Variants in USP12 observed in about 807,000 individuals in gnomAD.
The protein encoded by USP12 is ubiquitin specific peptidase 12, also known as ubiquitin carboxyl-terminal hydrolase 12.
A neutral mutation model predicts 45.5 loss-of-function variants in USP12; 19 were observed. The observed-to-expected ratio is 0.42, with a 90% CI of 0.29 to 0.61. USP12 has a LOEUF of 0.61. USP12 is among the 20% of genes least tolerant of loss of function. The pLI, the probability that USP12 is intolerant of heterozygous loss-of-function variation, is 0.22. For synonymous variants in USP12, 149 were observed against 148.8 expected (o/e 1.00, Z -0.01); for missense variants, 242 against 447.7 (o/e 0.54, Z 4.15).
chr13:27,122,834 CTG>C (rs1225307819), intron 1 of USP12, among the ~76,000 whole-genome samples: 1 of 152,074 alleles, frequency 6.6e-6, no homozygotes, highest in Non-Finnish European at 1.5e-5. Flanking sequence ...TGGCTCATGT[CTG>C]TAATCCCAGC....
intron 4 of USP12, 65 bp from the exon 5 acceptor site, chr13:27,090,223 A>C (rs939007028): frequency 1.6e-6 from 2 of 1,287,568 alleles, no homozygotes; most frequent in Admixed American, 3.7e-5. Context: ...CCCAATTAAC[A>C]GAATTAAATG....
At chr13:27,108,848 C>A (rs1192109855) in intron 2 of USP12, among the ~76,000 whole-genome samples, 1 of 152,158 alleles carries the variant, frequency 6.6e-6, no homozygotes, top group Non-Finnish European at 1.5e-5. Context: ...ATCCCAGCTA[C>A]TCAGGAAGCT....
chr13:27,078,704 T>C (rs1376641724), intron 6 of USP12, among the ~76,000 whole-genome samples: 2 of 151,494 alleles, frequency 1.3e-5, no homozygotes, highest in Non-Finnish European at 2.9e-5. Context: ...TAAGAGAACA[T>C]AACAATCTTA....
intron 4 of USP12, among the ~76,000 whole-genome samples, 188 bp from the exon 5 acceptor site, chr13:27,090,346 T>C (rs192368262): frequency 1.3e-5 from 2 of 152,322 alleles, no homozygotes; most frequent in African/African-American, 4.8e-5. Context: ...ACCAGATGTA[T>C]AAATAAAACA....
intron 1 of USP12, among the ~76,000 whole-genome samples, chr13:27,119,303 C>G (rs147708842): frequency 6.6e-6 from 1 of 152,142 alleles, no homozygotes; most frequent in African/African-American, 2.4e-5. Flanking sequence ...TTCCATGAAG[C>G]GGCCCCCAGA....
chr13:27,132,011 T>G (rs1876525964), intron 1 of USP12, among the ~76,000 whole-genome samples: 1 of 152,208 alleles, frequency 6.6e-6, no homozygotes, highest in African/African-American at 2.4e-5. Context: ...GTTCTAGTGC[T>G]TCTACTGGTT....
chr13:27,114,723 A>G (rs1029779926), intron 2 of USP12, among the ~76,000 whole-genome samples: 1 of 151,770 alleles, frequency 6.6e-6, no homozygotes. Context: ...ACTCTGTTTA[A>G]TTTTCTGCTA....
intron 6 of USP12, among the ~76,000 whole-genome samples, chr13:27,083,898 CTT>C (rs1305585581): frequency 6.6e-6 from 1 of 151,394 alleles, no homozygotes; most frequent in East Asian, 2.0e-4. Context: ...AAGTCTCACT[CTT>C]GTCACCCAGG....
chr13:27,159,900 TGAAAAG>T (rs1397334861), intron 1 of USP12, among the ~76,000 whole-genome samples: 1 of 152,014 alleles, frequency 6.6e-6, no homozygotes, highest in African/African-American at 2.4e-5. Flanking sequence ...GTTTCAGAGA[TGAAAAG>T]GAAAGAAAGT....
chr13:27,167,199 T>C (rs1482416825), intron 1 of USP12, among the ~76,000 whole-genome samples: 1 of 151,082 alleles, frequency 6.6e-6, no homozygotes, highest in Non-Finnish European at 1.5e-5. Flanking sequence ...GAGGTGGAGG[T>C]TGCGGTGAGC....
intron 2 of USP12, among the ~76,000 whole-genome samples, chr13:27,108,651 T>C (rs1282544095): frequency 6.6e-6 from 1 of 152,082 alleles, no homozygotes; most frequent in Non-Finnish European, 1.5e-5. Flanking sequence ...ATACAAAAAT[T>C]CATAAATTTA....
chr13:27,130,070 C>G (rs1249597942), intron 1 of USP12, among the ~76,000 whole-genome samples: 1 of 152,232 alleles, frequency 6.6e-6, no homozygotes, highest in East Asian at 1.9e-4. Context: ...AGCATGCAAA[C>G]CAGCTACTAT....
intron 1 of USP12, among the ~76,000 whole-genome samples, chr13:27,132,464 C>T (rs937209410): frequency 6.6e-6 from 1 of 152,010 alleles, no homozygotes; most frequent in Non-Finnish European, 1.5e-5. Flanking sequence ...AGCAAAGGAA[C>T]AGAAATATAG....
intron 1 of USP12, among the ~76,000 whole-genome samples, chr13:27,149,533 G>A (rs1351327964): frequency 2.6e-5 from 4 of 152,144 alleles, no homozygotes; most frequent in Admixed American, 1.3e-4. Context: ...GCAAGGTTGC[G>A]GGTTCTAAAA....
rs565236420 is a variant in USP12, at chr13:27,165,690, A to G, written c.48+5902T>C. Among the ~76,000 whole-genome samples the G allele has an allele frequency of 2.0e-5, 3 of 152,318 alleles. No homozygotes were observed. In the South Asian group the frequency reaches 6.2e-4, roughly 32 times the overall value. On this transcript the variant is annotated intron_variant, in intron 1 of 8. Coordinates refer to ENST00000282344, the MANE Select transcript of USP12 (RefSeq NM_182488.4). ...ATTCAAATCCCTTAATGGTACTGGC[A>G]AAGAAAAAAGTGTCAAAAATTAGCA...
At chr13:27,080,403 C>T (rs1256773056) in intron 6 of USP12, among the ~76,000 whole-genome samples, 2 of 152,170 alleles carry the variant, frequency 1.3e-5, no homozygotes, top group African/African-American at 2.4e-5. Flanking sequence ...CTTCATCTCA[C>T]AAACAGGAAG....
At chr13:27,091,492 G>C (rs900756515) in intron 4 of USP12, among the ~76,000 whole-genome samples, 1 of 152,196 alleles carries the variant, frequency 6.6e-6, no homozygotes, top group Non-Finnish European at 1.5e-5. Flanking sequence ...GTGCCAAGCG[G>C]TCATCAAGTA....
chr13:27,090,019 C>G lies in USP12; in HGVS notation c.651-53G>C. 2.5e-6 allele frequency: 4 copies of G among 1,583,102 alleles called. No individual in the cohort carries two copies. In the East Asian group the frequency reaches 9.0e-5, roughly 36 times the overall value. On this transcript the variant is annotated intron_variant, in intron 5 of 8. Transcript: ENST00000282344. ...TTGTAGATACCAGGAAATCATGTAT[C>G]TTAAAAAATATTCCAGACTAAAAAT...
At chr13:27,132,450 A>C (rs1241419185) in intron 1 of USP12, among the ~76,000 whole-genome samples, 1 of 152,144 alleles carries the variant, frequency 6.6e-6, no homozygotes. Context: ...AAAGAAAAAG[A>C]AAAAGCAAAG....
Sources: gnomAD v4.1 joint callset for allele counts (sites outside exome capture counted in the v4.1 genomes callset) on GRCh38, gnomAD v4.1.1 for gene constraint, MANE v1.5 for transcripts, NCBI Gene and HGNC (gene_info 2026-07-23, HGNC 2026-07-21) for gene names.